The following PCDHA10 variants were observed in gnomAD, a reference collection of about 807,000 sequenced individuals.
The protein encoded by PCDHA10 is protocadherin alpha-10.
PCDHA10 carries 45 observed loss-of-function variants against 61.2 expected under a neutral mutation model. The ratio of observed to expected loss-of-function variants is 0.74; its 90% CI spans 0.58 to 0.94. PCDHA10 has a LOEUF of 0.94. Ranked by LOEUF, PCDHA10 falls within the 40% of genes least tolerant of loss-of-function variation. PCDHA10 has a pLI of 0.00. For synonymous variants in PCDHA10, 602 were observed against 548.8 expected (o/e 1.10, Z -1.35); for missense variants, 1,278 against 1,236.2 (o/e 1.03, Z -0.51).
intron 1 of PCDHA10, among the ~76,000 whole-genome samples, chr5:140,973,346 T>C (rs1554235179): frequency 1.3e-5 from 2 of 152,198 alleles, no homozygotes; most frequent in Non-Finnish European, 2.9e-5. Flanking sequence ...AGTGACATAG[T>C]AGTGAATTTA....
At chr5:140,928,669 A>C in intron 1 of PCDHA10, 1 of 1,614,160 alleles carries the variant, frequency 6.2e-7, no homozygotes, top group Non-Finnish European at 8.5e-7. Flanking sequence ...CAGTGGTTCT[A>C]ATGCCTGGCT....
intron 1 of PCDHA10, chr5:140,968,638 A>T: frequency 6.2e-7 from 1 of 1,614,184 alleles, no homozygotes; most frequent in Non-Finnish European, 8.5e-7. Context: ...TTTACCATCT[A>T]GCCCAGACTT....
chr5:140,884,273 C>T (rs1554181411), intron 1 of PCDHA10: 2 of 1,613,468 alleles, frequency 1.2e-6, no homozygotes, highest in Admixed American at 3.3e-5. Context: ...GCTGTTGTCG[C>T]TGGTGGAGAG....
chr5:140,886,014 CTA>C (rs1317969139), intron 1 of PCDHA10, among the ~76,000 whole-genome samples: 1 of 152,078 alleles, frequency 6.6e-6, no homozygotes, highest in Non-Finnish European at 1.5e-5. Flanking sequence ...AAGGGAGATG[CTA>C]TGTATTCTTC....
intron 1 of PCDHA10, chr5:140,969,414 G>C: frequency 6.4e-7 from 1 of 1,566,012 alleles, no homozygotes; most frequent in Non-Finnish European, 8.7e-7. Context: ...GCTTTATTGA[G>C]TCATTAACAG....
intron 1 of PCDHA10, chr5:140,966,540 C>G (rs1477712677): frequency 4.3e-6 from 2 of 462,788 alleles, no homozygotes; most frequent in African/African-American, 2.0e-5. Flanking sequence ...TTGAGCGACT[C>G]GGAGGCGAGC....
chr5:140,929,499 C>A, intron 1 of PCDHA10: 2 of 980,262 alleles, frequency 2.0e-6, no homozygotes, highest in Non-Finnish European at 2.8e-6. Context: ...GAAGATTGCC[C>A]TAGGCCTCAA....
chr5:140,950,110 C>A (rs542585854), intron 1 of PCDHA10, among the ~76,000 whole-genome samples: 23 of 151,848 alleles, frequency 1.5e-4, no homozygotes, highest in African/African-American at 5.5e-4. Context: ...AAATCTCATA[C>A]AATACAAAAC....
intron 1 of PCDHA10, among the ~76,000 whole-genome samples, chr5:140,973,759 C>G (rs1050304490): frequency 2.0e-5 from 3 of 152,250 alleles, no homozygotes; most frequent in Non-Finnish European, 4.4e-5. Flanking sequence ...TGCAGGGACA[C>G]AGCCTGGCAT....
chr5:140,972,056 G>A (rs995898254), intron 1 of PCDHA10, among the ~76,000 whole-genome samples: 8 of 152,106 alleles, frequency 5.3e-5, no homozygotes, highest in Non-Finnish European at 1.2e-4. Flanking sequence ...TCACCTAGTC[G>A]TATATATTAA....
Position 140,926,923 on chromosome 5 carries a change from T to C in PCDHA10, c.2389-52026T>C, listed in dbSNP as rs532425369. On this transcript the variant is annotated intron_variant, in intron 1 of 3. Transcript: ENST00000307360. ...GGGCTGTGGGGTGGCAGTTTTATGT[T>C]TGTGGGTTTCCTGCGGCGCTGCAGC... 35 of 1,571,554 alleles carry C rather than the reference T, an allele frequency of 2.2e-5. No homozygotes were observed. The East Asian group carries it at 6.5e-4, about 29-fold the overall frequency.
intron 1 of PCDHA10, among the ~76,000 whole-genome samples, chr5:140,872,205 A>AT (rs1554166067): frequency 6.6e-6 from 1 of 151,936 alleles, no homozygotes; most frequent in Non-Finnish European, 1.5e-5. Context: ...TCATAAATTC[A>AT]TTATATATGA....
chr5:140,886,268 A>C (rs1250080024), intron 1 of PCDHA10, among the ~76,000 whole-genome samples: 2 of 151,920 alleles, frequency 1.3e-5, no homozygotes, highest in Non-Finnish European at 2.9e-5. Flanking sequence ...TTATAGATAA[A>C]ATTTTTTAAA....
At chr5:140,978,839 CT>C in intron 1 of PCDHA10, 109 bp from the exon 2 acceptor site, 3 of 1,556,998 alleles carry the variant, frequency 1.9e-6, no homozygotes, top group Non-Finnish European at 2.6e-6. Context: ...TCATTCAATA[CT>C]TTTTTAGATG....
intron 1 of PCDHA10, among the ~76,000 whole-genome samples, chr5:140,956,583 C>T (rs155799): frequency 0.28 from 42,736 of 152,052 alleles, 6,865 homozygotes; most frequent in East Asian, 0.53. Context: ...TGCATTGATG[C>T]TTATCAGGGA....
Position 141,009,656 on chromosome 5 carries a change from G to T in PCDHA10, c.2566G>T (p.Val856Phe). The T allele has an allele frequency of 6.2e-7, 1 of 1,614,000 alleles. No individual in the cohort carries two copies. The highest frequency in any genetic ancestry group is 8.5e-7 in the Non-Finnish European group (1 of 1,179,978). Residue 856 changes from valine (V) to phenylalanine (F), a missense_variant, in exon 4 of 4, where the codon GTC (valine) becomes TTC (phenylalanine). Physicochemically the swap from Val to Phe is conservative, Grantham distance 50. Coordinates refer to ENST00000307360, the MANE Select transcript of PCDHA10 (RefSeq NM_018901.4). The stretch of plus-strand genomic sequence containing the variant: ...AGAGGCAGGAGAAGTGTCCCCTCCA[G>T]TCGGTGCGGGTGTCAACAGCAACAG... Reference protein sequence around the residue: ...EPEAGEVSPPVGAGVNSNSWT... With the variant: ...EPEAGEVSPPFGAGVNSNSWT...
intron 1 of PCDHA10, among the ~76,000 whole-genome samples, chr5:140,946,629 T>TATATATATATATATATATATATATATAC (rs1367833800): frequency 2.4e-5 from 3 of 123,274 alleles, no homozygotes; most frequent in Non-Finnish European, 3.6e-5. Context: ...TATATATATA[T>TATATATATATATATATATATATATATAC]ATACAATGGA....
intron 1 of PCDHA10, chr5:140,864,727 A>T (rs1456631288): frequency 1.3e-5 from 2 of 152,180 alleles, no homozygotes; most frequent in African/African-American, 4.8e-5. Context: ...TTTTGGGAAG[A>T]TTTCTTTGAG....
intron 1 of PCDHA10, chr5:140,967,799 A>G: frequency 1.2e-6 from 2 of 1,614,190 alleles, no homozygotes; most frequent in Non-Finnish European, 1.7e-6. Context: ...TCCAGTGCCC[A>G]TGGCAGGTCA....
Sources: allele counts gnomAD v4.1 joint callset (sites outside exome capture counted in the v4.1 genomes callset), GRCh38; gene constraint gnomAD v4.1.1; transcripts MANE v1.5; gene names NCBI Gene and HGNC (gene_info 2026-07-23, HGNC 2026-07-21).